Variants in SASH1 observed in about 807,000 individuals in gnomAD.
SASH1 encodes SAM and SH3 domain containing 1, also known as SAM and SH3 domain-containing protein 1.
Under a neutral mutation model 125.2 loss-of-function variants are expected in SASH1, and 44 were observed. The ratio of observed to expected loss-of-function variants is 0.35; its 90% confidence interval spans 0.28 to 0.45. SASH1 has a LOEUF of 0.45. SASH1 is among the 20% of genes least tolerant of loss of function. SASH1 has a pLI of 1.00. For missense variants in SASH1, 1,426 were observed against 1,614.5 expected (o/e 0.88, Z 2.00); for synonymous variants, 639 against 649.1 (o/e 0.98, Z 0.24).
chr6:148,343,094 G>A lies in SASH1; in HGVS notation c.27G>A (p.Pro9=), dbSNP rs766658500. 1.9e-5 allele frequency: 30 copies of A among 1,548,810 alleles called. No homozygotes were observed. Among genetic ancestry groups the A allele is most frequent in the Non-Finnish European group, 2.6e-5 (30 of 1,154,412 alleles). Residue 9 remains proline (P), a synonymous_variant, in exon 1 of 20, where the codon CCG becomes CCA. Transcript: ENST00000367467. MEDAGAAG[P]GPEPEPEPEP... ...TGGAGGACGCGGGAGCAGCTGGCCC[G>A]GGGCCGGAGCCTGAGCCCGAGCCCG...
chr6:148,359,102 A>G (rs1782076905), intron 1 of SASH1, among the ~76,000 whole-genome samples: 1 of 142,660 alleles, frequency 7.0e-6, no homozygotes, highest in Non-Finnish European at 1.5e-5. Context: ...AAATACAAGT[A>G]TGTATATATA....
chr6:148,355,721 C>G (rs1358628507), intron 1 of SASH1, among the ~76,000 whole-genome samples: 1 of 152,060 alleles, frequency 6.6e-6, no homozygotes, highest in African/African-American at 2.4e-5. Context: ...CCTTAAACCT[C>G]GAGAGAAGCT....
At chr6:148,530,874 T>C (rs1583310847) in intron 12 of SASH1, among the ~76,000 whole-genome samples, 4 of 152,334 alleles carry the variant, frequency 2.6e-5, no homozygotes, top group Admixed American at 2.6e-4. Flanking sequence ...GATTCTGGTG[T>C]GAAAGAGATT....
intron 1 of SASH1, among the ~76,000 whole-genome samples, chr6:148,380,993 T>A (rs541454430): frequency 2.0e-5 from 3 of 152,232 alleles, no homozygotes; most frequent in Non-Finnish European, 4.4e-5. Context: ...TAAATATTAT[T>A]TGAATTAATG....
At chr6:148,289,453 T>C (rs370605083) in intron 1 of SASH1, among the ~76,000 whole-genome samples, 25 of 152,356 alleles carry the variant, frequency 1.6e-4, no homozygotes, top group African/African-American at 5.5e-4. Context: ...CCTGTTGACT[T>C]CAGGGTAAAA....
intron 1 of SASH1, among the ~76,000 whole-genome samples, chr6:148,337,059 T>TTTTTG (rs1781179573): frequency 6.6e-6 from 1 of 151,910 alleles, no homozygotes; most frequent in South Asian, 2.1e-4. Flanking sequence ...TAAGAACAAG[T>TTTTTG]TTTTGTTTTG....
intron 7 of SASH1, chr6:148,480,728 A>T (rs1778580281): frequency 6.5e-6 from 1 of 153,236 alleles, no homozygotes; most frequent in East Asian, 1.9e-4. Context: ...CACCCCTAAA[A>T]ACCCAGTTAT....
intron 4 of SASH1, among the ~76,000 whole-genome samples, chr6:148,450,999 T>A (rs1445633052): frequency 6.6e-6 from 1 of 152,244 alleles, no homozygotes; most frequent in Non-Finnish European, 1.5e-5. Context: ...AAGTGCTTGA[T>A]AATCTTGTCT....
At chr6:148,212,527 G>A in the SASH1 span, among the ~76,000 whole-genome samples, 4 of 152,204 alleles carry the variant, frequency 2.6e-5, no homozygotes, top group Admixed American at 6.5e-5. Context: ...ACGTAAGGCT[G>A]TCTGTAATCT....
intron 5 of SASH1, among the ~76,000 whole-genome samples, chr6:148,469,987 C>T (rs1162755720): frequency 6.7e-6 from 1 of 149,692 alleles, no homozygotes; most frequent in Non-Finnish European, 1.5e-5. Context: ...GATTGCACCG[C>T]TGCACTCCAG....
chr6:148,339,361 T>C (rs555399221), upstream of SASH1, among the ~76,000 whole-genome samples: 14 of 151,588 alleles, frequency 9.2e-5, no homozygotes, highest in Non-Finnish European at 1.8e-4. Flanking sequence ...TCACATTCTA[T>C]GTATAGGCAT....
the SASH1 span, among the ~76,000 whole-genome samples, chr6:148,242,927 AT>A: frequency 2.9e-4 from 43 of 150,380 alleles, no homozygotes; most frequent in African/African-American, 9.0e-4. Flanking sequence ...TCAATATGTG[AT>A]TTTTTTTTTA....
chr6:148,402,303 A>G (rs1784201117), intron 2 of SASH1, among the ~76,000 whole-genome samples: 1 of 152,052 alleles, frequency 6.6e-6, no homozygotes, highest in South Asian at 2.1e-4. Context: ...TATCACAAAA[A>G]TGACTTTTTG....
chr6:148,519,469 A>ATACGG lies in SASH1; in HGVS notation c.863-78_863-77insTACGG. 1 of 1,042,210 alleles carries ATACGG rather than the reference A, an allele frequency of 9.6e-7. No homozygotes were observed. The highest frequency in any genetic ancestry group is 1.4e-6 in the Non-Finnish European group (1 of 694,860). The allele number at this position is 1,042,210 out of a possible 1,614,324, so 64.6% of individuals were successfully genotyped here. ...TATAAAGAGGGTCATGATACGGAGA[A>ATACGG]AGGTGGTGAATGTAAAGAAAGATGT... is the stretch of plus-strand genomic sequence containing the variant. On this transcript the variant is annotated intron_variant, in intron 9 of 19. Transcript: ENST00000367467. This position sits in a 1 kb window ranked among gnomAD's most constrained non-coding sequence, Gnocchi z 4.8.
intron 1 of SASH1, among the ~76,000 whole-genome samples, chr6:148,315,074 T>C (rs1780445842): frequency 6.6e-6 from 1 of 152,120 alleles, no homozygotes; most frequent in African/African-American, 2.4e-5. Flanking sequence ...AAATGATTTT[T>C]AAAGCAGTTA....
chr6:148,339,134 A>C (rs1192439962), upstream of SASH1, among the ~76,000 whole-genome samples: 1 of 152,134 alleles, frequency 6.6e-6, no homozygotes, highest in East Asian at 1.9e-4. Flanking sequence ...TAATCAGATC[A>C]TGTTGAGTTA....
the SASH1 span, among the ~76,000 whole-genome samples, chr6:148,247,895 T>C: frequency 6.6e-6 from 1 of 152,210 alleles, no homozygotes; most frequent in African/African-American, 2.4e-5. Context: ...ATTCCAGCAA[T>C]TAAAGGATTA....
intron 1 of SASH1, among the ~76,000 whole-genome samples, chr6:148,370,380 A>T (rs1295261248): frequency 6.6e-6 from 1 of 152,232 alleles, no homozygotes; most frequent in Non-Finnish European, 1.5e-5. Flanking sequence ...TGGTCCCAGC[A>T]TCTAGTCCTT....
intron 12 of SASH1, among the ~76,000 whole-genome samples, chr6:148,531,316 G>T (rs1320758654): frequency 6.6e-6 from 1 of 152,070 alleles, no homozygotes; most frequent in East Asian, 1.9e-4. Flanking sequence ...ATGAGAAATA[G>T]TATTTGAGTG....
Sources: allele counts gnomAD v4.1 joint callset (sites outside exome capture counted in the v4.1 genomes callset), GRCh38; gene constraint gnomAD v4.1.1; non-coding constraint Gnocchi (gnomAD v3.1); transcripts MANE v1.5; gene names NCBI Gene and HGNC (gene_info 2026-07-23, HGNC 2026-07-21).